The following DENND5B variants were observed in gnomAD, a reference collection of about 807,000 sequenced individuals.
The protein encoded by DENND5B is DENN domain containing 5B, also known as DENN domain-containing protein 5B.
In DENND5B, 34 loss-of-function variants were observed where a neutral mutation model predicts 140.6. The ratio of observed to expected loss-of-function variants is 0.24; its 90% CI spans 0.18 to 0.32. The LOEUF (loss-of-function observed/expected upper bound fraction) is 0.32. DENND5B is among the 10% of genes least tolerant of loss of function. The pLI is 1.00. For synonymous variants in DENND5B, 551 were observed against 562.1 expected, an observed-to-expected ratio of 0.98 and a Z score of 0.28; for missense variants, 1,142 against 1,560.2, an observed-to-expected ratio of 0.73 and a Z score of 4.52.
At chr12:31,497,937 A>G (rs972775559) in intron 1 of DENND5B, among the ~76,000 whole-genome samples, 1 of 25,984 alleles carries the variant, frequency 3.8e-5, no homozygotes, top group Non-Finnish European at 6.7e-5. Flanking sequence ...GGGCAGGGGG[A>G]GGGGGCGGGG....
At chr12:31,427,950 T>C (rs1427667885) in intron 8 of DENND5B, among the ~76,000 whole-genome samples, 1 of 152,184 alleles carries the variant, frequency 6.6e-6, no homozygotes, top group Non-Finnish European at 1.5e-5. Flanking sequence ...CTGCTAAGTC[T>C]GGTACAAATA....
chr12:31,519,383 A>G (rs1002304132), intron 1 of DENND5B, among the ~76,000 whole-genome samples: 1 of 152,224 alleles, frequency 6.6e-6, no homozygotes, highest in African/African-American at 2.4e-5. Flanking sequence ...CACCTTGAGT[A>G]GATATAAACA....
chr12:31,476,308 A>T (rs1945805671), intron 3 of DENND5B, among the ~76,000 whole-genome samples: 1 of 151,616 alleles, frequency 6.6e-6, no homozygotes, highest in Non-Finnish European at 1.5e-5. Context: ...ATGTAGTAAT[A>T]TGTTGAACCT....
chr12:31,422,145 C>T (rs1024778502), intron 11 of DENND5B, among the ~76,000 whole-genome samples: 1 of 151,798 alleles, frequency 6.6e-6, no homozygotes, highest in South Asian at 2.1e-4. Context: ...TAAGGTCAGG[C>T]ACGGTGGCTC....
At chr12:31,459,584 C>T (rs761537844) in intron 4 of DENND5B, among the ~76,000 whole-genome samples, 5 of 152,084 alleles carry the variant, frequency 3.3e-5, no homozygotes, top group East Asian at 1.9e-4. Context: ...AATCCCACCA[C>T]GCCTGGCCTA....
chr12:31,438,539 A>C (rs566392731), intron 7 of DENND5B, among the ~76,000 whole-genome samples: 1 of 152,300 alleles, frequency 6.6e-6, no homozygotes, highest in South Asian at 2.1e-4. Context: ...GCAAAAGAGC[A>C]ATGTAAGACT....
At chr12:31,573,948 AG>A (rs1160003251) in intron 1 of DENND5B, among the ~76,000 whole-genome samples, 1 of 151,284 alleles carries the variant, frequency 6.6e-6, no homozygotes, top group Non-Finnish European at 1.5e-5. Flanking sequence ...TGGGCAACAA[AG>A]GGAGACTCTT....
intron 3 of DENND5B, among the ~76,000 whole-genome samples, chr12:31,461,903 C>T (rs542048942): frequency 5.3e-5 from 8 of 152,280 alleles, no homozygotes; most frequent in African/African-American, 1.9e-4. Context: ...ACTTGAGTCA[C>T]ATCAACTCAA....
intron 6 of DENND5B, chr12:31,443,899 G>A (rs1289374289): frequency 6.6e-6 from 1 of 152,110 alleles, no homozygotes; most frequent in Non-Finnish European, 1.5e-5. Flanking sequence ...GCCTTTTGAA[G>A]AATAAAATAG....
chr12:31,544,333 G>C (rs1281371899), intron 1 of DENND5B, among the ~76,000 whole-genome samples: 5 of 152,064 alleles, frequency 3.3e-5, no homozygotes, highest in Admixed American at 3.3e-4. Context: ...CCATGCTGCA[G>C]TGCAGTGGCA....
At chr12:31,538,762 G>A (rs570596612) in intron 1 of DENND5B, among the ~76,000 whole-genome samples, 104 of 152,118 alleles carry the variant, frequency 6.8e-4, no homozygotes, top group African/African-American at 2.4e-3. Flanking sequence ...TCAGTTACTC[G>A]GGAGGCTGAG....
At chr12:31,579,255 T>C (rs1265367641) in intron 1 of DENND5B, among the ~76,000 whole-genome samples, 2 of 152,228 alleles carry the variant, frequency 1.3e-5, no homozygotes, top group East Asian at 3.8e-4. Flanking sequence ...TGCGGCCTCT[T>C]CTATCCTCAG....
At chr12:31,392,517 A>G in intron 18 of DENND5B, 97 bp downstream of exon 18, 1 of 1,528,806 alleles carries the variant, frequency 6.5e-7, no homozygotes, top group Non-Finnish European at 8.8e-7. Context: ...CAGAAAGCTT[A>G]CAAATGAAAA....
chr12:31,478,790 T>TA (rs1020614729), intron 3 of DENND5B, among the ~76,000 whole-genome samples: 1 of 152,222 alleles, frequency 6.6e-6, no homozygotes, highest in Non-Finnish European at 1.5e-5. Flanking sequence ...TTCAATTCAC[T>TA]ATCCATTAAG....
chr12:31,552,170 T>C (rs1056088792), intron 1 of DENND5B, among the ~76,000 whole-genome samples: 2 of 152,214 alleles, frequency 1.3e-5, no homozygotes, highest in African/African-American at 4.8e-5. Flanking sequence ...CTTCCAGTTT[T>C]TGCCCATTCA....
At chr12:31,480,521 C>T (rs750774529) in intron 2 of DENND5B, among the ~76,000 whole-genome samples, 6 of 152,188 alleles carry the variant, frequency 3.9e-5, no homozygotes, top group Non-Finnish European at 7.3e-5. Flanking sequence ...AAGAGAATCA[C>T]TGATTTAGTC....
At position 31,577,172 on chromosome 12, in the gene DENND5B, A is replaced by C. The variant is rs185811725; in HGVS notation, c.127+13534T>G. Among the ~76,000 whole-genome samples, 3 of 152,322 alleles carry C rather than the reference A, an allele frequency of 2.0e-5. No individual in the cohort carries two copies. In the East Asian group the frequency reaches 5.8e-4, roughly 29 times the overall value. The stretch of plus-strand genomic sequence containing the variant: ...ATGATCAGAAATTTACTTAATTTAC[A>C]TTATCACTTCTACATTGATGTTTTC... On this transcript the variant is annotated intron_variant, in intron 1 of 20. Coordinates refer to ENST00000389082, the MANE Select transcript of DENND5B (RefSeq NM_144973.4).
At chr12:31,589,147 C>G (rs907125092) in intron 1 of DENND5B, among the ~76,000 whole-genome samples, 2 of 152,150 alleles carry the variant, frequency 1.3e-5, no homozygotes, top group Non-Finnish European at 2.9e-5. Flanking sequence ...TGACAGAAGG[C>G]CTCCAAGTGA....
At chr12:31,397,744 G>A (rs1015722276) in intron 17 of DENND5B, among the ~76,000 whole-genome samples, 2 of 151,844 alleles carry the variant, frequency 1.3e-5, no homozygotes, top group African/African-American at 4.8e-5. Flanking sequence ...TGGGCAACAT[G>A]GCGAAAGGCA....
Sources: allele counts gnomAD v4.1 joint callset (sites outside exome capture counted in the v4.1 genomes callset), GRCh38; gene constraint gnomAD v4.1.1; transcripts MANE v1.5; gene names NCBI Gene and HGNC (gene_info 2026-07-23, HGNC 2026-07-21).